KLRD1: variants seen among roughly 807,000 people sequenced by gnomAD.
KLRD1 encodes the protein killer cell lectin like receptor D1.
In KLRD1, 21 loss-of-function variants were observed where a neutral mutation model predicts 22.6. The ratio of observed to expected loss-of-function variants is 0.93; its 90% CI spans 0.66 to 1.34. KLRD1 has a LOEUF of 1.34. Among genes scored for constraint, KLRD1 ranks in the 40% most tolerant of loss-of-function variants. The pLI is 0.00. For synonymous variants in KLRD1, 59 were observed against 71.1 expected, an observed-to-expected ratio of 0.83 and a Z score of 0.85; for missense variants, 183 against 208.6, an observed-to-expected ratio of 0.88 and a Z score of 0.76.
intron 1 of KLRD1, among the ~76,000 whole-genome samples, chr12:10,245,604 T>A (rs1159913782): frequency 6.6e-6 from 1 of 152,202 alleles, no homozygotes; most frequent in East Asian, 1.9e-4. Context: ...ATATTGATTA[T>A]TTAATCATTA....
chr12:10,279,017 G>T (rs1337419037), intron 1 of KLRD1, among the ~76,000 whole-genome samples: 2 of 149,664 alleles, frequency 1.3e-5, no homozygotes, highest in Non-Finnish European at 3.0e-5. Flanking sequence ...TTAGGTTTAG[G>T]GGGTACCTGT....
intron 1 of KLRD1, among the ~76,000 whole-genome samples, chr12:10,271,281 CACTTA>C (rs1263217736): frequency 2.0e-5 from 3 of 152,112 alleles, no homozygotes; most frequent in East Asian, 1.9e-4. Context: ...ACTAAAAAGA[CACTTA>C]ACTTTTTCGA....
chr12:10,243,631 A>AAAAAAAAAAAAG lies in KLRD1; in HGVS notation c.-101+17400_-101+17401insAAAAAAAAAGAA, dbSNP rs771543645. 1.3e-3 allele frequency among the ~76,000 whole-genome samples: 156 copies of AAAAAAAAAAAAG among 118,760 alleles called. 14 individuals carry two copies. The highest frequency in any genetic ancestry group is 5.6e-3 in the East Asian group (17 of 3,024). 77.9% of individuals were successfully genotyped at this position (118,760 alleles called of 152,430 possible). On this transcript the variant is annotated intron_variant, in intron 1 of 5. Transcript: ENST00000544747. ...CCAAAAAAAAAAAAAAAAAAAAAAA[A>AAAAAAAAAAAAG]AACCGAAATGAAAGATATGGAACAA...
chr12:10,304,005 T>G (rs2137679724), upstream of KLRD1, among the ~76,000 whole-genome samples: 1 of 152,326 alleles, frequency 6.6e-6, no homozygotes, highest in East Asian at 1.9e-4. Flanking sequence ...TGTATGTATA[T>G]TTCTCATTAT....
intron 1 of KLRD1, among the ~76,000 whole-genome samples, chr12:10,278,951 C>CTT (rs1167243705): frequency 9.2e-5 from 7 of 75,802 alleles, no homozygotes; most frequent in African/African-American, 2.2e-4. Context: ...TTTTACAATT[C>CTT]TTTTTTTTTT....
At chr12:10,242,368 G>T (rs1949249707) in intron 1 of KLRD1, among the ~76,000 whole-genome samples, 1 of 152,088 alleles carries the variant, frequency 6.6e-6, no homozygotes, top group African/African-American at 2.4e-5. Context: ...ATCTTCACTT[G>T]TATCAACCTC....
intron 1 of KLRD1, among the ~76,000 whole-genome samples, chr12:10,295,680 T>C (rs1462768627): frequency 6.6e-6 from 1 of 151,918 alleles, no homozygotes; most frequent in Non-Finnish European, 1.5e-5. Flanking sequence ...CATTCAAGAG[T>C]TCAGAAAAAG....
chr12:10,239,527 CTTTCTT>C (rs1186093204), intron 1 of KLRD1, among the ~76,000 whole-genome samples: 11 of 38,448 alleles, frequency 2.9e-4, no homozygotes, highest in African/African-American at 6.7e-4. Context: ...CCCTTTCTTT[CTTTCTT>C]TCTTTCTTTC....
chr12:10,324,843 T>TATATATATATATATA lies in KLRD1; in HGVS notation c.*10050_*10051insATATATATATATATA, dbSNP rs60673819. 6.1e-4 allele frequency: 86 copies of TATATATATATATATA among 141,722 alleles called. No homozygotes were observed. The highest frequency in any genetic ancestry group is 1.0e-3 in the East Asian group (5 of 4,862). 8.8% of individuals were successfully genotyped at this position (141,722 alleles called of 1,614,324 possible). A position where few individuals can be genotyped will look rare whatever the true frequency, so the allele number is the denominator to read the frequency against. The stretch of plus-strand genomic sequence containing the variant: ...GTATATATATATATATATATATATA[T>TATATATATATATATA]TCATTTACACAGTTGATTCTAAGTG... On this transcript the variant is annotated 3_prime_UTR_variant, in exon 6 of 6. Coordinates refer to ENST00000336164, the MANE Select transcript of KLRD1 (RefSeq NM_002262.5).
At chr12:10,239,931 T>G (rs7972029) in intron 1 of KLRD1, among the ~76,000 whole-genome samples, 1 of 152,096 alleles carries the variant, frequency 6.6e-6, no homozygotes, top group Non-Finnish European at 1.5e-5. Context: ...CGTGAGCCAC[T>G]TTTTCTCTTT....
rs1440408838 is a variant in KLRD1, at chr12:10,320,528, C to T, written c.*5735C>T. 1 of 152,148 alleles carries T rather than the reference C, an allele frequency of 6.6e-6. No homozygotes were observed. Among genetic ancestry groups the T allele is most frequent in the African/African-American group, 2.4e-5 (1 of 41,426 alleles). 9.4% of individuals were successfully genotyped at this position (152,148 alleles called of 1,614,324 possible). On this transcript the variant is annotated 3_prime_UTR_variant, in exon 6 of 6. Coordinates refer to ENST00000336164, the MANE Select transcript of KLRD1 (RefSeq NM_002262.5). ...TATTTCCAACTAGAGTGTTGAATAT[C>T]TTGTCTGATTTCTTCCTACTACTTA...
intron 1 of KLRD1, among the ~76,000 whole-genome samples, chr12:10,245,880 C>T (rs1442452202): frequency 6.6e-6 from 1 of 152,166 alleles, no homozygotes; most frequent in Non-Finnish European, 1.5e-5. Flanking sequence ...AGTGCAGTGG[C>T]ATGATCACAG....
chr12:10,281,313 A>T (rs954071769), intron 1 of KLRD1, among the ~76,000 whole-genome samples: 4 of 152,190 alleles, frequency 2.6e-5, no homozygotes, highest in African/African-American at 9.6e-5. Context: ...TAGCTCCATA[A>T]GACTTTTCAG....
intron 1 of KLRD1, among the ~76,000 whole-genome samples, chr12:10,270,171 A>T (rs1949536971): frequency 6.6e-6 from 1 of 152,306 alleles, no homozygotes; most frequent in African/African-American, 2.4e-5. Context: ...ACATCTTTTT[A>T]TGAGGACACC....
chr12:10,251,066 A>G lies in KLRD1; in HGVS notation c.-101+24833A>G, dbSNP rs186122318. On this transcript the variant is annotated intron_variant, in intron 1 of 5. Coordinates refer to the KLRD1 transcript ENST00000544747. ...ATGTTGCCTCACTAGCATTAACTAC[A>G]GATGTTAACATACTAACCTTTCACT... Among the ~76,000 whole-genome samples the G allele has an allele frequency of 2.1e-3, 316 of 152,290 alleles. 1 individual carries two copies. The highest frequency in any genetic ancestry group is 7.2e-3 in the African/African-American group (297 of 41,538).
chr12:10,251,941 G>C (rs1201102968), intron 1 of KLRD1, among the ~76,000 whole-genome samples: 1 of 152,138 alleles, frequency 6.6e-6, no homozygotes, highest in Non-Finnish European at 1.5e-5. Flanking sequence ...CTGTGCTCCA[G>C]GTTCCTAACA....
At chr12:10,254,678 T>G (rs1157471586) in intron 1 of KLRD1, among the ~76,000 whole-genome samples, 1 of 151,782 alleles carries the variant, frequency 6.6e-6, no homozygotes, top group Non-Finnish European at 1.5e-5. Flanking sequence ...CACCTGAGGT[T>G]AGGAGTTTGA....
In KLRD1 at chr12:10,317,235, A is replaced by G. The variant is rs753494008; in HGVS notation, c.*2442A>G. ...CTTTGCTATGGTAAATAGTGCTGCAATAAACATACGTGTGCATGTGAGGAC... is the reference window on the plus strand; with the variant it reads ...CTTTGCTATGGTAAATAGTGCTGCAGTAAACATACGTGTGCATGTGAGGAC... On this transcript the variant is annotated 3_prime_UTR_variant, in exon 6 of 6. Coordinates refer to ENST00000336164, the MANE Select transcript of KLRD1 (RefSeq NM_002262.5). The G allele has an allele frequency of 1.1e-4, 16 of 152,246 alleles. No individual in the cohort carries two copies. Among genetic ancestry groups the G allele is most frequent in the South Asian group, 2.1e-4 (1 of 4,834 alleles). 9.4% of individuals were successfully genotyped at this position (152,246 alleles called of 1,614,324 possible). A position where few individuals can be genotyped will look rare whatever the true frequency, so the allele number is the denominator to read the frequency against.
chr12:10,240,534 G>A lies in KLRD1; in HGVS notation c.-101+14301G>A, dbSNP rs1476016729. On this transcript the variant is annotated intron_variant, in intron 1 of 5. Coordinates refer to the KLRD1 transcript ENST00000544747. Reference sequence around the variant, plus strand: ...TTTATATTATTTGAATTTTTGTTATGAAAAAATGTAAACATTAAGTAATAT... The same window carrying A: ...TTTATATTATTTGAATTTTTGTTATAAAAAAATGTAAACATTAAGTAATAT... 2.6e-5 allele frequency among the ~76,000 whole-genome samples: 4 copies of A among 152,064 alleles called. No individual in the cohort carries two copies. The East Asian group carries it at 7.7e-4, about 29-fold the overall frequency.
Sources: gnomAD v4.1 joint callset for allele counts (sites outside exome capture counted in the v4.1 genomes callset) on GRCh38, gnomAD v4.1.1 for gene constraint, MANE v1.5 for transcripts, NCBI Gene and HGNC (gene_info 2026-07-23, HGNC 2026-07-21) for gene names.